The following FAM163B variants were observed in gnomAD, a reference collection of about 807,000 sequenced individuals.
FAM163B encodes the protein protein FAM163B.
A neutral mutation model predicts 7.6 loss-of-function variants in FAM163B; 4 were observed. The observed-to-expected ratio is 0.52, with a 90% confidence interval of 0.26 to 1.20. FAM163B has a LOEUF of 1.20. FAM163B is among the 50% of genes most tolerant of loss of function. FAM163B has a pLI of 0.14. For missense variants in FAM163B, 250 were observed against 243.0 expected (o/e 1.03, Z -0.19); for synonymous variants, 120 against 111.6 (o/e 1.07, Z -0.47).
intron 1 of FAM163B, among the ~76,000 whole-genome samples, chr9:133,602,135 G>A (rs1831737971): frequency 6.7e-6 from 1 of 150,314 alleles, no homozygotes; most frequent in East Asian, 2.0e-4. Context: ...CCACTTGGCA[G>A]GCCCTGCCTC....
chr9:133,605,540 GACTAGCTC>G (rs1831779493), intron 1 of FAM163B, among the ~76,000 whole-genome samples: 1 of 152,198 alleles, frequency 6.6e-6, no homozygotes, highest in Non-Finnish European at 1.5e-5. Flanking sequence ...GGGCAGAGGT[GACTAGCTC>G]GGTCCGGCAG....
chr9:133,587,969 G>A (rs1487422699), intron 1 of FAM163B, among the ~76,000 whole-genome samples: 6 of 151,498 alleles, frequency 4.0e-5, no homozygotes, highest in Admixed American at 3.9e-4. Context: ...GGGCGCGAAC[G>A]GGGGGCGAGC....
rs962903936 is a variant in FAM163B at position 133,600,378 on chromosome 9, G to A, written c.-24+8699C>T. ...TGGCCCATCCCAAAGAGACTGGCTG[G>A]CCCACACGGCAGCCGGGGCAGGGGC... On this transcript the variant is annotated intron_variant, in intron 1 of 2. Coordinates refer to ENST00000673969, the MANE Select transcript of FAM163B (RefSeq NM_001080515.3). This position sits in a 1 kb window ranked among gnomAD's most constrained non-coding sequence, Gnocchi z 4.9. 1.9e-4 allele frequency among the ~76,000 whole-genome samples: 29 copies of A among 152,118 alleles called. No individual in the cohort carries two copies. Among genetic ancestry groups the A allele is most frequent in the African/African-American group, 6.8e-4 (28 of 41,426 alleles).
Position 133,578,967 on chromosome 9 carries a change from A to T in FAM163B, c.*55T>A. 1 of 1,446,196 alleles carries T rather than the reference A, an allele frequency of 6.9e-7. No homozygotes were observed. The highest frequency in any genetic ancestry group is 1.5e-5 in the South Asian group (1 of 68,358). The allele number at this position is 1,446,196 out of a possible 1,614,324, so 89.6% of individuals were successfully genotyped here. A position where few individuals can be genotyped will look rare whatever the true frequency, so the allele number is the denominator to read the frequency against. Reference sequence around the variant, plus strand: ...TGGGGCCAGGTGGGTGTGCCAAAGGAATCCCCCCATTGTCTCAGGACCTTC... The same window carrying T: ...TGGGGCCAGGTGGGTGTGCCAAAGGTATCCCCCCATTGTCTCAGGACCTTC... On this transcript the variant is annotated 3_prime_UTR_variant, in exon 3 of 3. Transcript: ENST00000673969.
Position 133,609,323 on chromosome 9 carries a change from G to GC in FAM163B, c.-271dup, listed in dbSNP as rs1564200165. Among the ~76,000 whole-genome samples the GC allele has an allele frequency of 6.7e-6, 1 of 149,592 alleles. No homozygotes were observed. Among genetic ancestry groups the GC allele is most frequent in the East Asian group, 1.9e-4 (1 of 5,154 alleles). On this transcript the variant is annotated 5_prime_UTR_variant, in exon 1 of 3. Coordinates refer to ENST00000673969, the MANE Select transcript of FAM163B (RefSeq NM_001080515.3). The stretch of plus-strand genomic sequence containing the variant: ...CCGCGCTGCGGCCGCGACTCCGGAC[G>GC]CCCCGGCTGGCTCCCTGCGAGCTGC...
At chr9:133,588,680 C>CGT (rs1564192732) in intron 1 of FAM163B, among the ~76,000 whole-genome samples, 57 of 47,480 alleles carry the variant, frequency 1.2e-3, no homozygotes, top group South Asian at 1.6e-3. Context: ...ATCTAGCATA[C>CGT]TGAGAGATCT....
At chr9:133,589,195 C>T (rs756090827) in intron 1 of FAM163B, among the ~76,000 whole-genome samples, 41 of 152,158 alleles carry the variant, frequency 2.7e-4, no homozygotes, top group Non-Finnish European at 5.0e-4. Flanking sequence ...CAGGTTCCTG[C>T]CTCACTCAAA....
At chr9:133,585,715 G>A (rs756720623) in intron 1 of FAM163B, among the ~76,000 whole-genome samples, 2 of 152,206 alleles carry the variant, frequency 1.3e-5, no homozygotes, top group Non-Finnish European at 2.9e-5. Context: ...GCAGCTGCAC[G>A]GGCCCTGCAA....
In FAM163B at chr9:133,580,191, G is replaced by A; in HGVS notation, c.33C>T (p.Gly11=). 2 of 1,613,466 alleles carry A rather than the reference G, an allele frequency of 1.2e-6. No homozygotes were observed. The highest frequency in any genetic ancestry group is 2.2e-5 in the East Asian group (1 of 44,886). The change falls in exon 2 of 3, where the codon GGC becomes GGT. Residue 11 remains glycine, a synonymous_variant. Transcript: ENST00000673969. ...AGAGCAAAATCACAGTCGCCAAGAT[G>A]CCCCCGGTGATGACCACGGTCCCGG... The part of the protein sequence containing the change: MTAGTVVITG[G]ILATVILLCI...
chr9:133,585,667 G>A (rs1214172040), intron 1 of FAM163B, among the ~76,000 whole-genome samples: 5 of 152,250 alleles, frequency 3.3e-5, no homozygotes, highest in East Asian at 3.9e-4. Flanking sequence ...GCCCCAGGAC[G>A]GGGAGCCTGG....
At chr9:133,603,482 C>T (rs1762455842) in intron 1 of FAM163B, among the ~76,000 whole-genome samples, 1 of 152,218 alleles carries the variant, frequency 6.6e-6, no homozygotes, top group African/African-American at 2.4e-5. Flanking sequence ...CACAATCCAG[C>T]TTGGAAAGCT....
intron 1 of FAM163B, among the ~76,000 whole-genome samples, chr9:133,588,614 G>GTT (rs1274904409): frequency 6.6e-6 from 1 of 152,332 alleles, no homozygotes; most frequent in Non-Finnish European, 1.5e-5. Flanking sequence ...CTAGGATGCT[G>GTT]AAGGATCTAG....
chr9:133,607,330 C>T (rs975640040), intron 1 of FAM163B, among the ~76,000 whole-genome samples: 1 of 152,214 alleles, frequency 6.6e-6, no homozygotes, highest in Non-Finnish European at 1.5e-5. Context: ...TCCCCAGGTG[C>T]CCTTGCTCAT....
intron 1 of FAM163B, among the ~76,000 whole-genome samples, chr9:133,603,954 C>T (rs144981623): frequency 0.05 from 7,666 of 152,278 alleles, 236 homozygotes; most frequent in Non-Finnish European, 0.063. Flanking sequence ...ATTCTCATGC[C>T]TCAGCCTCCC....
intron 1 of FAM163B, among the ~76,000 whole-genome samples, chr9:133,588,810 A>T (rs1831492660): frequency 6.6e-6 from 1 of 151,412 alleles, no homozygotes; most frequent in Non-Finnish European, 1.5e-5. Flanking sequence ...AGTGAGACAC[A>T]GGCCAGTCAC....
At chr9:133,588,328 C>T (rs1216371211) in intron 1 of FAM163B, among the ~76,000 whole-genome samples, 2 of 152,120 alleles carry the variant, frequency 1.3e-5, no homozygotes, top group Admixed American at 1.3e-4. Flanking sequence ...CTGTGGGGCC[C>T]TTCTGTCAGG....
intron 1 of FAM163B, 101 bp from the exon 2 acceptor site, chr9:133,580,347 G>C: frequency 1.1e-6 from 1 of 929,824 alleles, no homozygotes; most frequent in East Asian, 2.6e-5. Flanking sequence ...GGGGAAAAAA[G>C]CACCCCAGGA....
intron 1 of FAM163B, among the ~76,000 whole-genome samples, chr9:133,607,159 G>A (rs189208257): frequency 1.7e-4 from 26 of 152,292 alleles, no homozygotes; most frequent in African/African-American, 5.8e-4. Flanking sequence ...CCGGGGCTTA[G>A]ATGAACAGAG....
chr9:133,590,171 C>CCCTTCTTTCCTTTCCTTT (rs1489115312), intron 1 of FAM163B, among the ~76,000 whole-genome samples: 2 of 123,030 alleles, frequency 1.6e-5, no homozygotes, highest in African/African-American at 3.1e-5. Flanking sequence ...CCTTCCCCTC[C>CCCTTCTTTCCTTTCCTTT]CCTTCTTTCC....
Sources: gnomAD v4.1 joint callset for allele counts (sites outside exome capture counted in the v4.1 genomes callset) on GRCh38, gnomAD v4.1.1 for gene constraint, Gnocchi (gnomAD v3.1) non-coding constraint, MANE v1.5 for transcripts, NCBI Gene and HGNC (gene_info 2026-07-23, HGNC 2026-07-21) for gene names.